GABRB3: variants seen among roughly 807,000 people sequenced by gnomAD.
GABRB3 encodes the protein gamma-aminobutyric acid receptor subunit beta-3.
A neutral mutation model predicts 52.1 loss-of-function variants in GABRB3; 14 were observed. The observed-to-expected ratio is 0.27, with a 90% CI of 0.18 to 0.42. The LOEUF (loss-of-function observed/expected upper bound fraction) is 0.42. Ranked by LOEUF, GABRB3 falls within the 10% of genes least tolerant of loss-of-function variation. GABRB3 has a pLI of 1.00. For synonymous variants in GABRB3, 260 were observed against 232.3 expected, an observed-to-expected ratio of 1.12 and a Z score of -1.08; for missense variants, 307 against 609.1, an observed-to-expected ratio of 0.50 and a Z score of 5.22.
chr15:26,609,152 G>A (rs1227864274), intron 4 of GABRB3, among the ~76,000 whole-genome samples: 1 of 148,842 alleles, frequency 6.7e-6, no homozygotes, highest in Non-Finnish European at 1.5e-5. Flanking sequence ...ATGCTACTCA[G>A]TATTAATAAA....
Position 26,772,748 on chromosome 15 carries a change from G to C in GABRB3, c.105C>G (p.Ser35=). The C allele has an allele frequency of 4.5e-6, 7 of 1,571,296 alleles. No homozygotes were observed. Among genetic ancestry groups the C allele is most frequent in the Non-Finnish European group, 6.0e-6 (7 of 1,158,096 alleles). ...AQSVNDPGNM[S]FVKETVDKLL... ...GCTTGTCCACCGTCTCCTTCACAAA[G>C]GACATGTTCCCGGGATCGTTCACAC... Residue 35 remains serine, a synonymous_variant, in exon 2 of 9, where the codon TCC becomes TCG. Coordinates refer to ENST00000311550, the MANE Select transcript of GABRB3 (RefSeq NM_000814.6).
rs138347890 is a variant in GABRB3, at chr15:26,615,191, C to A, written c.461+6123G>T. On this transcript the variant is annotated intron_variant, in intron 4 of 8. Transcript: ENST00000311550. ...ATAGAAGAAAACTTCAGTGCAGCAT[C>A]AAAGAAAACAGAAAAGCTGTGACTG... The A allele has an allele frequency of 1.6e-5, 12 of 733,062 alleles. 1 individual carries two copies. Among genetic ancestry groups the A allele is most frequent in the Middle Eastern group, 6.5e-4 (1 of 1,538 alleles). 45.4% of individuals were successfully genotyped at this position (733,062 alleles called of 1,614,324 possible). A position where few individuals can be genotyped will look rare whatever the true frequency, so the allele number is the denominator to read the frequency against.
intron 3 of GABRB3, among the ~76,000 whole-genome samples, chr15:26,623,944 T>C (rs1892582960): frequency 6.6e-6 from 1 of 152,198 alleles, no homozygotes; most frequent in Admixed American, 6.5e-5. Flanking sequence ...ATGGCAGTTG[T>C]GTCCTGATCT....
At chr15:26,611,452 G>T (rs545270270) in intron 4 of GABRB3, among the ~76,000 whole-genome samples, 3 of 152,110 alleles carry the variant, frequency 2.0e-5, no homozygotes, top group Non-Finnish European at 4.4e-5. Flanking sequence ...AATAAGAACT[G>T]CAGTGAATAA....
chr15:26,598,415 C>T (rs1023960414), intron 4 of GABRB3, among the ~76,000 whole-genome samples: 3 of 152,112 alleles, frequency 2.0e-5, no homozygotes, highest in African/African-American at 7.2e-5. Context: ...TACACCTTCA[C>T]CCCTCCACCC....
intron 3 of GABRB3, among the ~76,000 whole-genome samples, chr15:26,748,432 G>A (rs1890409223): frequency 6.6e-6 from 1 of 151,972 alleles, no homozygotes; most frequent in Non-Finnish European, 1.5e-5. Context: ...TTCATCTTGG[G>A]TACATTTTAG....
chr15:26,631,799 A>G (rs1474441820), intron 3 of GABRB3, among the ~76,000 whole-genome samples: 2 of 152,238 alleles, frequency 1.3e-5, no homozygotes, highest in African/African-American at 4.8e-5. Context: ...CTTCGATGGT[A>G]TCTAGCTTTC....
intron 3 of GABRB3, among the ~76,000 whole-genome samples, chr15:26,704,235 G>A (rs1239552672): frequency 2.6e-5 from 4 of 152,236 alleles, no homozygotes; most frequent in African/African-American, 9.6e-5. Context: ...AGGGTGTCTG[G>A]GAAGTGCTGT....
chr15:26,682,888 C>T (rs1312491470), intron 3 of GABRB3, among the ~76,000 whole-genome samples: 3 of 152,186 alleles, frequency 2.0e-5, no homozygotes, highest in Non-Finnish European at 2.9e-5. Context: ...GGGACACAGC[C>T]GGCCACTCAG....
At chr15:26,699,133 C>CA (rs1888843537) in intron 3 of GABRB3, among the ~76,000 whole-genome samples, 1 of 151,946 alleles carries the variant, frequency 6.6e-6, no homozygotes, top group South Asian at 2.1e-4. Context: ...GAAAATTTGT[C>CA]AGAGTTTAAG....
At chr15:26,657,604 T>C (rs1320685455) in intron 3 of GABRB3, among the ~76,000 whole-genome samples, 1 of 152,228 alleles carries the variant, frequency 6.6e-6, no homozygotes, top group Non-Finnish European at 1.5e-5. Flanking sequence ...GCTTTATATA[T>C]GTGGCCTTGT....
At chr15:26,605,942 C>T (rs975580618) in intron 4 of GABRB3, among the ~76,000 whole-genome samples, 1 of 152,030 alleles carries the variant, frequency 6.6e-6, no homozygotes, top group Non-Finnish European at 1.5e-5. Context: ...TACAACACAG[C>T]GGAAGTCGAA....
intron 3 of GABRB3, among the ~76,000 whole-genome samples, chr15:26,630,315 T>C (rs2069467355): frequency 6.6e-6 from 1 of 152,128 alleles, no homozygotes; most frequent in South Asian, 2.1e-4. Flanking sequence ...CTGTGGACAT[T>C]GCAGCCCTGG....
At chr15:26,639,037 T>A (rs1417652762) in intron 3 of GABRB3, among the ~76,000 whole-genome samples, 1 of 152,088 alleles carries the variant, frequency 6.6e-6, no homozygotes, top group Non-Finnish European at 1.5e-5. Context: ...GCCATCAATG[T>A]CATGTCAACA....
At chr15:26,592,474 A>G (rs1001045555) in intron 4 of GABRB3, among the ~76,000 whole-genome samples, 1 of 152,216 alleles carries the variant, frequency 6.6e-6, no homozygotes, top group East Asian at 1.9e-4. Context: ...TGAAAAATTT[A>G]GATGACCTGT....
At chr15:26,748,886 C>T (rs770391054) in intron 3 of GABRB3, among the ~76,000 whole-genome samples, 33 of 151,982 alleles carry the variant, frequency 2.2e-4, no homozygotes, top group African/African-American at 6.0e-4. Context: ...TTTAGCCAGG[C>T]GTGGTGGTGT....
chr15:26,559,131 T>C (rs1194361727), intron 8 of GABRB3, among the ~76,000 whole-genome samples: 1 of 152,200 alleles, frequency 6.6e-6, no homozygotes, highest in Admixed American at 6.5e-5. Context: ...CACTGGGGAT[T>C]ACAATTTGAC....
intron 6 of GABRB3, among the ~76,000 whole-genome samples, chr15:26,573,535 A>T (rs1890485292): frequency 6.6e-6 from 1 of 152,216 alleles, no homozygotes; most frequent in Non-Finnish European, 1.5e-5. Flanking sequence ...TCAACAATCC[A>T]GCCTCTCCAT....
intron 4 of GABRB3, among the ~76,000 whole-genome samples, chr15:26,600,570 T>G (rs1488802934): frequency 6.6e-6 from 1 of 152,168 alleles, no homozygotes; most frequent in Non-Finnish European, 1.5e-5. Flanking sequence ...GAAAGAGTGG[T>G]ATGATATATT....
Sources: allele counts gnomAD v4.1 joint callset (sites outside exome capture counted in the v4.1 genomes callset), GRCh38; gene constraint gnomAD v4.1.1; transcripts MANE v1.5; gene names NCBI Gene and HGNC (gene_info 2026-07-23, HGNC 2026-07-21).